ROPN1L: variants seen among roughly 807,000 people sequenced by gnomAD.
ROPN1L encodes the protein rhophilin associated tail protein 1 like.
Under a neutral mutation model 22.7 loss-of-function variants are expected in ROPN1L, and 23 were observed. The observed-to-expected ratio is 1.01, with a 90% CI of 0.73 to 1.43. ROPN1L has a LOEUF of 1.43. Among genes scored for constraint, ROPN1L ranks in the 40% most tolerant of loss-of-function variants. ROPN1L has a pLI of 0.00. For missense variants in ROPN1L, 271 were observed against 291.5 expected, an observed-to-expected ratio of 0.93 and a Z score of 0.51; for synonymous variants, 116 against 117.8, an observed-to-expected ratio of 0.98 and a Z score of 0.10.
the ROPN1L span, among the ~76,000 whole-genome samples, chr5:10,478,336 G>T: frequency 3.3e-5 from 5 of 152,192 alleles, no homozygotes; most frequent in African/African-American, 1.2e-4. Context: ...GCTTCCTGGG[G>T]CTGCCCCGAC....
intron 3 of ROPN1L, among the ~76,000 whole-genome samples, chr5:10,458,949 G>A (rs28513228): frequency 9.3e-6 from 1 of 107,982 alleles, no homozygotes; most frequent in Non-Finnish European, 1.9e-5. Context: ...TCCCGCCCGT[G>A]TACACCACCC....
intron 3 of ROPN1L, among the ~76,000 whole-genome samples, chr5:10,452,432 G>A (rs984169385): frequency 2.0e-5 from 3 of 150,638 alleles, no homozygotes; most frequent in African/African-American, 7.4e-5. Flanking sequence ...CGCCTCCCAG[G>A]TTCAAGTGAT....
At chr5:10,448,470 AC>A in intron 2 of ROPN1L, 87 bp downstream of exon 2, 2 of 1,493,090 alleles carry the variant, frequency 1.3e-6, no homozygotes, top group Non-Finnish European at 1.8e-6. Context: ...AGCGGGGCAC[AC>A]CCCAGCAATG....
Position 10,450,122 on chromosome 5 carries a change from C to A in ROPN1L, c.417+9C>A. On this transcript the variant is annotated intron_variant, in intron 3 of 4. Coordinates refer to ENST00000274134, the MANE Select transcript of ROPN1L (RefSeq NM_031916.5). The stretch of plus-strand genomic sequence containing the variant: ...GCAGCATGCTTGGTGGGGTATGTAC[C>A]TATAAACAGCATATTAATAATTCTG... 2 of 1,571,930 alleles carry A rather than the reference C, an allele frequency of 1.3e-6. No homozygotes were observed. The highest frequency in any genetic ancestry group is 1.7e-6 in the Non-Finnish European group (2 of 1,160,218).
intron 1 of ROPN1L, among the ~76,000 whole-genome samples, chr5:10,445,316 C>A (rs970000334): frequency 6.6e-6 from 1 of 152,074 alleles, no homozygotes; most frequent in Non-Finnish European, 1.5e-5. Context: ...ATTATTCATT[C>A]GGCAGTATAT....
At chr5:10,463,718 CA>C (rs1355849825) in intron 4 of ROPN1L, among the ~76,000 whole-genome samples, 1 of 152,182 alleles carries the variant, frequency 6.6e-6, no homozygotes, top group Admixed American at 6.5e-5. Flanking sequence ...AGTCAGTGAA[CA>C]GGTCACGCCC....
chr5:10,452,309 G>GTGTC (rs1554029734), intron 3 of ROPN1L, among the ~76,000 whole-genome samples: 23 of 141,734 alleles, frequency 1.6e-4, no homozygotes, highest in Non-Finnish European at 2.8e-4. Context: ...GTGTGTGTGT[G>GTGTC]TGTGTCTGTG....
chr5:10,482,723 C>T, the ROPN1L span, among the ~76,000 whole-genome samples: 3 of 152,188 alleles, frequency 2.0e-5, no homozygotes, highest in East Asian at 1.9e-4. Flanking sequence ...TTCAGGTCAA[C>T]TCGGAATCTG....
chr5:10,468,890 T>C (rs1735199951), downstream of ROPN1L, among the ~76,000 whole-genome samples: 1 of 152,240 alleles, frequency 6.6e-6, no homozygotes, highest in African/African-American at 2.4e-5. Flanking sequence ...GCGCAATGGC[T>C]CACGCCTCTA....
downstream of ROPN1L, among the ~76,000 whole-genome samples, chr5:10,474,697 A>G (rs1411947864): frequency 6.6e-6 from 1 of 152,252 alleles, no homozygotes; most frequent in East Asian, 1.9e-4. Flanking sequence ...CCCATGGAGA[A>G]GGTCAGATGA....
intron 3 of ROPN1L, among the ~76,000 whole-genome samples, chr5:10,453,037 G>T (rs150378676): frequency 1.0e-3 from 152 of 152,330 alleles, no homozygotes; most frequent in African/African-American, 3.4e-3. Context: ...GCGGGTTCCT[G>T]CCTGTCTCCT....
rs1437193288 is a variant in ROPN1L at position 10,441,904 on chromosome 5, C to G, written c.-264C>G. On this transcript the variant is annotated 5_prime_UTR_variant, in exon 1 of 5. Transcript: ENST00000274134. ...GCGTCCCGGGTGCCTGGATACCGAG[C>G]GCGTCCGTAGTGGCGGCTGGCGCTA... 3.1e-5 allele frequency: 9 copies of G among 289,942 alleles called. No homozygotes were observed. The East Asian group carries it at 6.0e-4, about 19-fold the overall frequency. The allele number at this position is 289,942 out of a possible 1,614,324, so 18.0% of individuals were successfully genotyped here. A position where few individuals can be genotyped will look rare whatever the true frequency, so the allele number is the denominator to read the frequency against.
Position 10,444,122 on chromosome 5 carries a change from G to A in ROPN1L, c.131+1824G>A, listed in dbSNP as rs114391757. ...TCTGAAAGACTCTTTCAAAGTTCTT[G>A]CTAAAGAAATATAGCCTCTGGTTTT... On this transcript the variant is annotated intron_variant, in intron 1 of 4. Coordinates refer to ENST00000274134, the MANE Select transcript of ROPN1L (RefSeq NM_031916.5). Among the ~76,000 whole-genome samples, 1,515 of 152,246 alleles carry A rather than the reference G, an allele frequency of 1.0e-2. 25 individuals are homozygous for A. Among genetic ancestry groups the A allele is most frequent in the African/African-American group, 0.035 (1,449 of 41,540 alleles).
chr5:10,451,992 C>G (rs1325006707), intron 3 of ROPN1L, among the ~76,000 whole-genome samples: 1 of 114,628 alleles, frequency 8.7e-6, no homozygotes, highest in African/African-American at 3.0e-5. Flanking sequence ...CTGTATCTAG[C>G]TATATGTTTT....
chr5:10,477,040 T>C, the ROPN1L span, among the ~76,000 whole-genome samples: 1 of 152,260 alleles, frequency 6.6e-6, no homozygotes, highest in Admixed American at 6.5e-5. Flanking sequence ...CTGTGTAGCA[T>C]GAGAGCAGCC....
chr5:10,442,052 C>A lies in ROPN1L; in HGVS notation c.-116C>A. The stretch of plus-strand genomic sequence containing the variant: ...CCAACCTCGGGAACGGGATGGGAGG[C>A]GGCCCTGGCCGCAAGCCCCGCGCTG... On this transcript the variant is annotated 5_prime_UTR_variant, in exon 1 of 5. Coordinates refer to ENST00000274134, the MANE Select transcript of ROPN1L (RefSeq NM_031916.5). 1.4e-6 allele frequency: 2 copies of A among 1,411,716 alleles called. No homozygotes were observed. Among genetic ancestry groups the A allele is most frequent in the Non-Finnish European group, 1.9e-6 (2 of 1,033,966 alleles). The allele number at this position is 1,411,716 out of a possible 1,614,324, so 87.4% of individuals were successfully genotyped here.
chr5:10,444,343 T>A (rs976654599), intron 1 of ROPN1L, among the ~76,000 whole-genome samples: 35 of 152,128 alleles, frequency 2.3e-4, no homozygotes, highest in Non-Finnish European at 1.2e-4. Context: ...CAGGCTGGAG[T>A]GCAATGGCGA....
the ROPN1L span, among the ~76,000 whole-genome samples, chr5:10,479,850 T>G: frequency 0.7 from 106,196 of 151,952 alleles, 38,095 homozygotes; most frequent in Middle Eastern, 0.77. Flanking sequence ...ATTCAAGCAA[T>G]TTTCCTGCCT....
intron 1 of ROPN1L, among the ~76,000 whole-genome samples, chr5:10,445,792 G>T (rs1035696432): frequency 1.3e-5 from 2 of 152,194 alleles, no homozygotes; most frequent in Non-Finnish European, 2.9e-5. Flanking sequence ...CCATGGTGAT[G>T]CATGTCTGTA....
Sources: gnomAD v4.1 joint callset for allele counts (sites outside exome capture counted in the v4.1 genomes callset) on GRCh38, gnomAD v4.1.1 for gene constraint, MANE v1.5 for transcripts, NCBI Gene and HGNC (gene_info 2026-07-23, HGNC 2026-07-21) for gene names.